VPS13A: variants seen among roughly 807,000 people sequenced by gnomAD.
The protein encoded by VPS13A is intermembrane lipid transfer protein VPS13A.
VPS13A carries 264 observed loss-of-function variants against 390.9 expected under a neutral mutation model. That is an observed-to-expected ratio of 0.68 (90% CI 0.61 to 0.75). The LOEUF (loss-of-function observed/expected upper bound fraction) is 0.75. Among genes scored for constraint, VPS13A ranks in the 30% least tolerant of loss-of-function variants. The pLI, the probability that VPS13A is intolerant of heterozygous loss-of-function variation, is 0.00. For synonymous variants in VPS13A, 1,231 were observed against 1,227.1 expected, an observed-to-expected ratio of 1.00 and a Z score of -0.07; for missense variants, 3,409 against 3,733.9, an observed-to-expected ratio of 0.91 and a Z score of 2.27.
intron 24 of VPS13A, among the ~76,000 whole-genome samples, chr9:77,274,510 C>T (rs1268335596): frequency 6.6e-6 from 1 of 150,636 alleles, no homozygotes; most frequent in Non-Finnish European, 1.5e-5. Context: ...CACCACAAAA[C>T]TTCACAGATG....
chr9:77,264,587 G>C (rs1825930553), intron 23 of VPS13A, among the ~76,000 whole-genome samples: 1 of 151,962 alleles, frequency 6.6e-6, no homozygotes. Context: ...TGATTATTTG[G>C]CTCTCTGTTT....
chr9:77,296,732 T>G (rs1374745889), intron 33 of VPS13A, among the ~76,000 whole-genome samples: 1 of 152,302 alleles, frequency 6.6e-6, no homozygotes, highest in African/African-American at 2.4e-5. Context: ...TTATGTACAG[T>G]TGTATTACTT....
chr9:77,388,154 AATG>A (rs1354444195), intron 68 of VPS13A, among the ~76,000 whole-genome samples: 1 of 152,038 alleles, frequency 6.6e-6, no homozygotes, highest in African/African-American at 2.4e-5. Context: ...CTCAAATAAT[AATG>A]ATGATGGATA....
At chr9:77,370,746 C>A in intron 65 of VPS13A, 144 bp from the exon 66 acceptor site, 1 of 1,373,400 alleles carries the variant, frequency 7.3e-7, no homozygotes, top group Non-Finnish European at 1.0e-6. Context: ...CTAAAACATT[C>A]TGTTTAAATA....
rs773625189 is a variant in VPS13A, at chr9:77,314,497, T to A, written c.4245T>A (p.Ala1415=). Residue 1415 remains alanine, a splice_region_variant and synonymous_variant, in exon 37 of 72, where the codon GCT becomes GCA. Transcript: ENST00000360280. ...TGTGTTGGTTTCTCCTTTCATAGGCTTCCTTTACAGATGTTCGTGATCCTT... is the reference window on the plus strand; with the variant it reads ...TGTGTTGGTTTCTCCTTTCATAGGCATCCTTTACAGATGTTCGTGATCCTT... ...MVLYSPGPKQ[A]SFTDVRDPSL... 1 of 1,611,780 alleles carries A rather than the reference T, an allele frequency of 6.2e-7. No homozygotes were observed. The highest frequency in any genetic ancestry group is 2.2e-5 in the East Asian group (1 of 44,728).
intron 19 of VPS13A, among the ~76,000 whole-genome samples, chr9:77,239,246 G>C (rs1824324998): frequency 6.6e-6 from 1 of 152,042 alleles, no homozygotes; most frequent in South Asian, 2.1e-4. Context: ...GGGAAGCCGA[G>C]GCGGGTGGAT....
At chr9:77,355,396 G>A (rs1407085261) in intron 54 of VPS13A, among the ~76,000 whole-genome samples, 4 of 152,128 alleles carry the variant, frequency 2.6e-5, no homozygotes, top group African/African-American at 9.7e-5. Flanking sequence ...TTCCTATCCA[G>A]TCTCATTCAT....
chr9:77,328,953 G>A (rs1309519966), intron 45 of VPS13A, among the ~76,000 whole-genome samples: 2 of 152,204 alleles, frequency 1.3e-5, no homozygotes, highest in Non-Finnish European at 2.9e-5. Flanking sequence ...CAAATGGGAA[G>A]CAAGGCACTT....
chr9:77,328,770 T>C (rs530424621), intron 45 of VPS13A, among the ~76,000 whole-genome samples: 1 of 152,236 alleles, frequency 6.6e-6, no homozygotes, highest in Non-Finnish European at 1.5e-5. Context: ...AGTTAGGGCC[T>C]ATCTTAGGAG....
chr9:77,366,954 G>T, intron 61 of VPS13A, 82 bp downstream of exon 61: 1 of 1,459,046 alleles, frequency 6.9e-7, no homozygotes, highest in Non-Finnish European at 9.4e-7. Context: ...ATGAAAAAGT[G>T]TGTGAAGTAC....
intron 10 of VPS13A, among the ~76,000 whole-genome samples, chr9:77,219,715 AGGG>A (rs2131175011): frequency 6.6e-6 from 1 of 151,044 alleles, no homozygotes; most frequent in African/African-American, 2.4e-5. Context: ...TGGTATTTTG[AGGG>A]GGAGTTCAAT....
At chr9:77,326,843 C>T (rs905929645) in intron 45 of VPS13A, among the ~76,000 whole-genome samples, 1 of 152,108 alleles carries the variant, frequency 6.6e-6, no homozygotes, top group African/African-American at 2.4e-5. Context: ...CGGATCTTTA[C>T]TGAGCCTTAG....
At chr9:77,244,782 A>C (rs1824708225) in intron 19 of VPS13A, among the ~76,000 whole-genome samples, 1 of 152,008 alleles carries the variant, frequency 6.6e-6, no homozygotes, top group Admixed American at 6.6e-5. Flanking sequence ...ACAATTCTAT[A>C]ATCAGCCCAA....
intron 71 of VPS13A, among the ~76,000 whole-genome samples, chr9:77,410,606 A>C (rs1205818190): frequency 6.6e-6 from 1 of 152,224 alleles, no homozygotes; most frequent in Non-Finnish European, 1.5e-5. Context: ...AAGATCTACC[A>C]AGCAAATGGA....
At chr9:77,415,886 C>T in intron 71 of VPS13A, 70 bp from the exon 72 acceptor site, 1 of 1,563,732 alleles carries the variant, frequency 6.4e-7, no homozygotes, top group Non-Finnish European at 8.8e-7. Flanking sequence ...TCTAGATCTC[C>T]ATTCATTACA....
At chr9:77,190,525 C>T (rs146226994) in intron 1 of VPS13A, among the ~76,000 whole-genome samples, 34 of 152,274 alleles carry the variant, frequency 2.2e-4, no homozygotes, top group African/African-American at 8.2e-4. Context: ...GGATATAGGC[C>T]TGAAGTTTCC....
intron 13 of VPS13A, 124 bp downstream of exon 13, chr9:77,221,480 A>T (rs1424837081): frequency 6.7e-6 from 7 of 1,045,920 alleles, no homozygotes; most frequent in Non-Finnish European, 8.4e-6. Flanking sequence ...TTTTACTTAG[A>T]CTTTTTTGTG....
intron 35 of VPS13A, among the ~76,000 whole-genome samples, chr9:77,313,774 G>C (rs1829227026): frequency 6.6e-6 from 1 of 152,108 alleles, no homozygotes; most frequent in South Asian, 2.1e-4. Flanking sequence ...AGAGGAAATA[G>C]AAACACCAAG....
At chr9:77,378,195 C>T (rs1465034264) in intron 67 of VPS13A, among the ~76,000 whole-genome samples, 1 of 152,040 alleles carries the variant, frequency 6.6e-6, no homozygotes, top group East Asian at 1.9e-4. Flanking sequence ...AGTGTTCCCT[C>T]CTCTTCAAAT....
Sources: gnomAD v4.1 joint callset for allele counts (sites outside exome capture counted in the v4.1 genomes callset) on GRCh38, gnomAD v4.1.1 for gene constraint, MANE v1.5 for transcripts, NCBI Gene and HGNC (gene_info 2026-07-23, HGNC 2026-07-21) for gene names.